The following ASAH2 variants were observed in gnomAD, a reference collection of about 807,000 sequenced individuals.
The protein encoded by ASAH2 is neutral ceramidase.
Under a neutral mutation model 82.9 loss-of-function variants are expected in ASAH2, and 58 were observed. The observed-to-expected ratio is 0.70, with a 90% confidence interval of 0.57 to 0.87. ASAH2 has a LOEUF of 0.87. Ranked by LOEUF, ASAH2 falls within the 40% of genes least tolerant of loss-of-function variation. ASAH2 has a pLI of 0.00. For missense variants in ASAH2, 779 were observed against 834.0 expected (o/e 0.93, Z 0.81); for synonymous variants, 276 against 289.7 (o/e 0.95, Z 0.48).
At chr10:50,212,162 C>T (rs1845470782) in intron 10 of ASAH2, among the ~76,000 whole-genome samples, 1 of 148,432 alleles carries the variant, frequency 6.7e-6, no homozygotes, top group African/African-American at 2.5e-5. Flanking sequence ...GATTTTAGAA[C>T]CCTTGGAATA....
At chr10:50,233,311 C>T (rs992356877) in intron 6 of ASAH2, 50 bp from the exon 7 acceptor site, 3 of 1,355,702 alleles carry the variant, frequency 2.2e-6, no homozygotes, top group Non-Finnish European at 3.2e-6. Context: ...AGAGCCTAAC[C>T]CTCATGTAAG....
intron 9 of ASAH2, among the ~76,000 whole-genome samples, chr10:50,213,275 T>C (rs1300310826): frequency 1.3e-5 from 2 of 152,178 alleles, no homozygotes; most frequent in South Asian, 2.1e-4. Context: ...AGCCTTTCTT[T>C]TAAAAATAAG....
intron 9 of ASAH2, among the ~76,000 whole-genome samples, chr10:50,214,337 A>G (rs1845541959): frequency 6.6e-6 from 1 of 152,182 alleles, no homozygotes; most frequent in African/African-American, 2.4e-5. Context: ...GTAATTTTTA[A>G]GAAAGGAGAA....
At chr10:50,194,878 T>C (rs1401667499) in intron 18 of ASAH2, among the ~76,000 whole-genome samples, 3 of 150,918 alleles carry the variant, frequency 2.0e-5, no homozygotes, top group East Asian at 3.9e-4. Context: ...GAAGGAAATA[T>C]AAAAATTAAC....
chr10:50,228,856 G>A (rs890697766), intron 7 of ASAH2, among the ~76,000 whole-genome samples: 3 of 152,006 alleles, frequency 2.0e-5, no homozygotes, highest in Non-Finnish European at 4.4e-5. Flanking sequence ...GGAGAAGGAA[G>A]GAGAAGAGGA....
At chr10:50,209,672 A>G (rs1845401274) in intron 12 of ASAH2, among the ~76,000 whole-genome samples, 1 of 152,166 alleles carries the variant, frequency 6.6e-6, no homozygotes, top group African/African-American at 2.4e-5. Flanking sequence ...ATACACAAAG[A>G]ACATTTATAC....
rs563224254 is a variant in ASAH2 at position 50,216,923 on chromosome 10, G to A, written c.1014+1587C>T. Among the ~76,000 whole-genome samples, 317 of 152,306 alleles carry A rather than the reference G, an allele frequency of 2.1e-3. 2 individuals carry two copies. Among genetic ancestry groups the A allele is most frequent in the South Asian group, 2.7e-3 (13 of 4,818 alleles). ...TAAAGTGAGAAAATAGTAAGAGTGAGTTTTGCCAACAAAGGAGCTTGCTTT... is the reference window on the plus strand; with the variant it reads ...TAAAGTGAGAAAATAGTAAGAGTGAATTTTGCCAACAAAGGAGCTTGCTTT... On this transcript the variant is annotated intron_variant, in intron 8 of 20. Coordinates refer to ENST00000682911, the MANE Select transcript of ASAH2 (RefSeq NM_019893.4).
At chr10:50,243,056 C>A in intron 4 of ASAH2, 146 bp downstream of exon 4, 1 of 950,088 alleles carries the variant, frequency 1.1e-6, no homozygotes, top group Non-Finnish European at 1.6e-6. Context: ...GTAAGATTAT[C>A]TGCTATATTG....
intron 7 of ASAH2, 144 bp from the exon 8 acceptor site, chr10:50,218,774 C>T: frequency 1.1e-6 from 1 of 927,320 alleles, no homozygotes; most frequent in South Asian, 1.5e-5. Context: ...TTTCATTGTT[C>T]ATGGGCTTAA....
At chr10:50,242,388 G>A (rs1846325191) in intron 4 of ASAH2, among the ~76,000 whole-genome samples, 1 of 152,170 alleles carries the variant, frequency 6.6e-6, no homozygotes, top group Non-Finnish European at 1.5e-5. Flanking sequence ...TGTTTAATAG[G>A]TTAGACTAGT....
At chr10:50,203,983 A>G (rs1845227859) in intron 14 of ASAH2, among the ~76,000 whole-genome samples, 2 of 152,018 alleles carry the variant, frequency 1.3e-5, no homozygotes, top group South Asian at 4.1e-4. Flanking sequence ...GTTGCAGTCT[A>G]TGTTTATAAA....
chr10:50,213,349 G>C (rs1280264173), intron 9 of ASAH2, among the ~76,000 whole-genome samples: 1 of 152,142 alleles, frequency 6.6e-6, no homozygotes, highest in Non-Finnish European at 1.5e-5. Flanking sequence ...TCTGAGCTAA[G>C]ACTTGAAGCC....
chr10:50,245,451 A>G lies in ASAH2; in HGVS notation c.131T>C (p.Leu44Ser). The G allele has an allele frequency of 6.2e-7, 1 of 1,611,714 alleles. No homozygotes were observed. Among genetic ancestry groups the G allele is most frequent in the Non-Finnish European group, 8.5e-7 (1 of 1,178,746 alleles). The change falls in exon 3 of 21, where the codon TTA becomes TCA. Residue 44 changes from leucine to serine, a missense_variant. This residue lies in a region of ASAH2 where 759 missense variants were observed against 755.2 expected (regional missense o/e 1.00). Transcript: ENST00000682911. Reference protein sequence around the residue: ...TSGTIENHKDLGGHFFSTTQS... With the variant: ...TSGTIENHKDSGGHFFSTTQS... ...GGTGGTTGAAAAAAAATGGCCTCCT[A>G]AATCTAAAACAGAATAAGAGATTTG...
chr10:50,220,334 G>A (rs948245905), intron 7 of ASAH2, among the ~76,000 whole-genome samples: 4 of 152,020 alleles, frequency 2.6e-5, no homozygotes, highest in South Asian at 4.1e-4. Context: ...ACGTATGTTC[G>A]TTGCAGCACT....
chr10:50,210,876 T>G lies in ASAH2; in HGVS notation c.1361A>C (p.Tyr454Ser), dbSNP rs1240661140. The G allele has an allele frequency of 6.2e-7, 1 of 1,613,556 alleles. No homozygotes were observed. Among genetic ancestry groups the G allele is most frequent in the Non-Finnish European group, 8.5e-7 (1 of 1,179,626 alleles). The change falls in exon 12 of 21, where the codon TAC (tyrosine) becomes TCC (serine). Residue 454 changes from tyrosine to serine, a missense_variant. Around this residue, in one of 3 missense-constraint regions of ASAH2, gnomAD observed 759 missense variants for 755.2 expected, o/e 1.00. Transcript: ENST00000682911. ...ATCAATAGTGCCAGCTGCAAAACTGTAGCCCAATGCTGGTTTACATGTTTT... is the reference window on the plus strand; with the variant it reads ...ATCAATAGTGCCAGCTGCAAAACTGGAGCCCAATGCTGGTTTACATGTTTT... ...ASKTCKPALG[Y>S]SFAAGTIDGV...
At chr10:50,240,433 C>T in intron 4 of ASAH2, 1 of 701,824 alleles carries the variant, frequency 1.4e-6, no homozygotes, top group East Asian at 2.7e-5. Context: ...TTTTTGTCCT[C>T]ACTTCTAGTT....
In ASAH2 at chr10:50,204,860, C is replaced by T. The variant is rs1230411007; in HGVS notation, c.1625+1G>A. 24 of 1,601,608 alleles carry T rather than the reference C, an allele frequency of 1.5e-5. No individual in the cohort carries two copies. The highest frequency in any genetic ancestry group is 1.4e-4 in the South Asian group (13 of 89,862). Reference sequence around the variant, plus strand: ...ACTAAGTAATAAAAAGAAAAACTTACGTAAACTCCCCGGGGATGGCAGTTA... The same window carrying T: ...ACTAAGTAATAAAAAGAAAAACTTATGTAAACTCCCCGGGGATGGCAGTTA... On this transcript the variant is annotated splice_donor_variant, in intron 14 of 20. Transcript: ENST00000682911. LOFTEE classifies it high-confidence loss of function.
chr10:50,237,622 G>T (rs1846193353), intron 4 of ASAH2, among the ~76,000 whole-genome samples: 2 of 152,212 alleles, frequency 1.3e-5, no homozygotes, highest in Admixed American at 1.3e-4. Context: ...TTTAGTGAAT[G>T]AGTTGATCAA....
intron 4 of ASAH2, among the ~76,000 whole-genome samples, chr10:50,237,361 A>G (rs1846188285): frequency 6.6e-6 from 1 of 152,128 alleles, no homozygotes; most frequent in African/African-American, 2.4e-5. Context: ...CTTAGAAGTA[A>G]TTTCTTCCAC....
Sources: gnomAD v4.1 joint callset for allele counts (sites outside exome capture counted in the v4.1 genomes callset) on GRCh38, gnomAD v4.1.1 for gene constraint, gnomAD v4.1.1 regional missense constraint, MANE v1.5 for transcripts, NCBI Gene and HGNC (gene_info 2026-07-23, HGNC 2026-07-21) for gene names.